Variants in NVL observed in about 807,000 individuals in gnomAD.
The protein encoded by NVL is nuclear valosin-containing protein-like.
A neutral mutation model predicts 110.2 loss-of-function variants in NVL; 84 were observed. The observed-to-expected ratio is 0.76, with a 90% CI of 0.64 to 0.91. NVL has a LOEUF of 0.91. Ranked by LOEUF, NVL falls within the 40% of genes least tolerant of loss-of-function variation. The pLI is 0.00. For synonymous variants in NVL, 354 were observed against 361.1 expected, an observed-to-expected ratio of 0.98 and a Z score of 0.22; for missense variants, 882 against 1,035.9, an observed-to-expected ratio of 0.85 and a Z score of 2.04.
chr1:224,300,364 A>G (rs1668281733), intron 10 of NVL, among the ~76,000 whole-genome samples, 198 bp downstream of exon 10: 1 of 152,232 alleles, frequency 6.6e-6, no homozygotes, highest in Non-Finnish European at 1.5e-5. Context: ...TTCAAATGAA[A>G]AGGGTTATTT....
intron 9 of NVL, among the ~76,000 whole-genome samples, chr1:224,302,579 G>T (rs73130467): frequency 1.3e-5 from 2 of 152,144 alleles, no homozygotes; most frequent in East Asian, 1.9e-4. Flanking sequence ...ATCTGAGAGG[G>T]TTAAAATAAG....
chr1:224,241,081 G>A (rs539365619), intron 19 of NVL, among the ~76,000 whole-genome samples: 5 of 152,048 alleles, frequency 3.3e-5, no homozygotes, highest in African/African-American at 1.2e-4. Context: ...AAGCTACCAC[G>A]CTCAGCCAAA....
intron 6 of NVL, 78 bp downstream of exon 6, chr1:224,307,913 T>C: frequency 7.3e-7 from 1 of 1,362,688 alleles, no homozygotes; most frequent in South Asian, 1.6e-5. Flanking sequence ...AACACAAGTA[T>C]CTGATTGATA....
At chr1:224,241,927 G>A (rs1321050776) in intron 19 of NVL, among the ~76,000 whole-genome samples, 1 of 151,878 alleles carries the variant, frequency 6.6e-6, no homozygotes, top group African/African-American at 2.4e-5. Context: ...AGCTACTTAG[G>A]AGGCTCAGGC....
At chr1:224,316,826 C>T (rs938806427) in intron 4 of NVL, among the ~76,000 whole-genome samples, 1 of 151,956 alleles carries the variant, frequency 6.6e-6, no homozygotes, top group Non-Finnish European at 1.5e-5. Flanking sequence ...CAAAACTTAA[C>T]AAATTGTACA....
Position 224,291,511 on chromosome 1 carries a change from A to G in NVL, c.1326-1778T>C, listed in dbSNP as rs115491751. ...TTATAGAAAAATCATTTGGGATCAT[A>G]TAAGTGAGCAGAATAGAAGCAGATA... On this transcript the variant is annotated intron_variant, in intron 12 of 22. Coordinates refer to ENST00000281701, the MANE Select transcript of NVL (RefSeq NM_002533.4). Among the ~76,000 whole-genome samples the G allele has an allele frequency of 4.0e-3, 613 of 152,362 alleles. 6 individuals carry two copies. Among genetic ancestry groups the G allele is most frequent in the African/African-American group, 0.014 (592 of 41,580 alleles).
chr1:224,237,338 A>T (rs559171815), intron 19 of NVL, among the ~76,000 whole-genome samples: 1 of 152,330 alleles, frequency 6.6e-6, no homozygotes, highest in East Asian at 1.9e-4. Context: ...CTCTAAGCTC[A>T]GTATATTCTT....
rs72755979 is a variant in NVL, at chr1:224,311,226, T to A, written c.342+574A>T. On this transcript the variant is annotated intron_variant, in intron 5 of 22. Transcript: ENST00000281701. ...GTGCAAGCCATTACACCTGGCTAATTTTGGGGGGTTTTTTGGTAGAGATGG... is the reference window on the plus strand; with the variant it reads ...GTGCAAGCCATTACACCTGGCTAATATTGGGGGGTTTTTTGGTAGAGATGG... 8.1e-3 allele frequency among the ~76,000 whole-genome samples: 1,216 copies of A among 150,944 alleles called. 10 individuals are homozygous for A. The highest frequency in any genetic ancestry group is 0.014 in the Non-Finnish European group (953 of 67,782).
At chr1:224,289,002 A>G (rs1667123253) in intron 13 of NVL, among the ~76,000 whole-genome samples, 2 of 152,224 alleles carry the variant, frequency 1.3e-5, no homozygotes, top group Non-Finnish European at 2.9e-5. Context: ...CCAAAAGTTA[A>G]CCAGGAGATA....
chr1:224,236,147 A>T (rs868137845), intron 20 of NVL, among the ~76,000 whole-genome samples: 35 of 152,318 alleles, frequency 2.3e-4, no homozygotes, highest in Middle Eastern at 3.4e-3. Context: ...ATGTTACTAC[A>T]GGCTATGTGG....
At chr1:224,317,310 T>C (rs1453263555) in intron 4 of NVL, among the ~76,000 whole-genome samples, 1 of 152,166 alleles carries the variant, frequency 6.6e-6, no homozygotes, top group Non-Finnish European at 1.5e-5. Context: ...CTGTTGGTAA[T>C]GCAAACAAGT....
intron 18 of NVL, among the ~76,000 whole-genome samples, chr1:224,251,069 T>C (rs1362145400): frequency 1.3e-5 from 2 of 150,712 alleles, no homozygotes; most frequent in African/African-American, 4.9e-5. Context: ...AGGTCAGGAG[T>C]TCGAGACCAG....
chr1:224,305,278 C>T, intron 6 of NVL, 112 bp from the exon 7 acceptor site: 1 of 1,077,640 alleles, frequency 9.3e-7, no homozygotes, highest in Non-Finnish European at 1.3e-6. Flanking sequence ...CTAGCACTTT[C>T]ACCTCTGTTA....
At chr1:224,284,041 G>T (rs1039138353) in intron 15 of NVL, among the ~76,000 whole-genome samples, 2 of 152,016 alleles carry the variant, frequency 1.3e-5, no homozygotes, top group Non-Finnish European at 2.9e-5. Context: ...AGTTGATAAG[G>T]GTTAGTTATG....
At chr1:224,241,319 A>G (rs905361652) in intron 19 of NVL, among the ~76,000 whole-genome samples, 3 of 152,234 alleles carry the variant, frequency 2.0e-5, no homozygotes, top group Non-Finnish European at 1.5e-5. Flanking sequence ...TTTAAATGGC[A>G]TAATAAAGAG....
chr1:224,248,681 G>A lies in NVL; in HGVS notation c.2289+1531C>T, dbSNP rs371700573. Among the ~76,000 whole-genome samples, 102 of 152,360 alleles carry A rather than the reference G, an allele frequency of 6.7e-4. 1 individual carries two copies. The South Asian group carries it at 0.015, about 22-fold the overall frequency. The stretch of plus-strand genomic sequence containing the variant: ...AAAAGTGGGTGCGAAGAGAAAATTT[G>A]AAAGTGGCTGATAATTAGGCGTCCA... On this transcript the variant is annotated intron_variant, in intron 19 of 22. Coordinates refer to ENST00000281701, the MANE Select transcript of NVL (RefSeq NM_002533.4).
chr1:224,268,645 C>T (rs1242983745), intron 17 of NVL, among the ~76,000 whole-genome samples: 1 of 134,688 alleles, frequency 7.4e-6, no homozygotes, highest in South Asian at 2.2e-4. Flanking sequence ...CAAGACTAAG[C>T]TTTTTTGTTT....
At chr1:224,244,168 G>A (rs1173069643) in intron 19 of NVL, among the ~76,000 whole-genome samples, 2 of 150,754 alleles carry the variant, frequency 1.3e-5, no homozygotes, top group Non-Finnish European at 2.9e-5. Context: ...GGGAGTTCGA[G>A]ACCAGCCTGG....
chr1:224,257,073 C>T (rs762443806), intron 18 of NVL: 1 of 532,430 alleles, frequency 1.9e-6, no homozygotes, highest in East Asian at 5.5e-5. Context: ...CAGCTTTTCC[C>T]AACTTTGGGA....
Sources: allele counts gnomAD v4.1 joint callset (sites outside exome capture counted in the v4.1 genomes callset), GRCh38; gene constraint gnomAD v4.1.1; transcripts MANE v1.5; gene names NCBI Gene and HGNC (gene_info 2026-07-23, HGNC 2026-07-21).